Variants in MACROD2 observed in about 807,000 individuals in gnomAD.
MACROD2 encodes the protein mono-ADP ribosylhydrolase 2, also known as ADP-ribose glycohydrolase MACROD2.
In MACROD2, 36 loss-of-function variants were observed where a neutral mutation model predicts 70.4. The ratio of observed to expected loss-of-function variants is 0.51; its 90% CI spans 0.39 to 0.68. The LOEUF (loss-of-function observed/expected upper bound fraction) is 0.68, where lower values mean the gene tolerates loss of function less well. Among genes scored for constraint, MACROD2 ranks in the 30% least tolerant of loss-of-function variants. The pLI is 0.00. For missense variants in MACROD2, 496 were observed against 538.4 expected (o/e 0.92, Z 0.78); for synonymous variants, 172 against 178.8 (o/e 0.96, Z 0.30).
In MACROD2 at chr20:15,348,722, A is replaced by T. The variant is rs530643773; in HGVS notation, c.541-82683A>T. On this transcript the variant is annotated intron_variant, in intron 6 of 17. Transcript: ENST00000684519. ...AAACTCCCTTTTATAAAACCATAAG[A>T]TCTCGTGAGACTTATTCATTATCAC... Among the ~76,000 whole-genome samples the T allele has an allele frequency of 2.0e-5, 3 of 152,164 alleles. No homozygotes were observed. In the South Asian group the frequency reaches 6.2e-4, roughly 32 times the overall value.
At chr20:14,229,014 A>C (rs953345193) in intron 3 of MACROD2, among the ~76,000 whole-genome samples, 4 of 152,034 alleles carry the variant, frequency 2.6e-5, no homozygotes, top group African/African-American at 9.7e-5. Context: ...AAGAAAAGAA[A>C]AAAGACATTA....
intron 2 of MACROD2, among the ~76,000 whole-genome samples, chr20:14,051,481 C>A (rs554751233): frequency 2.6e-4 from 40 of 152,144 alleles, no homozygotes; most frequent in Non-Finnish European, 4.3e-4. Context: ...TCTGAACCTT[C>A]CCTTTTACCC....
intron 5 of MACROD2, among the ~76,000 whole-genome samples, chr20:14,978,258 G>A (rs1007717541): frequency 6.6e-6 from 1 of 152,120 alleles, no homozygotes; most frequent in Admixed American, 6.5e-5. Flanking sequence ...ATTAAACCAT[G>A]TATATGTATC....
At chr20:15,081,189 TA>T (rs138058951) in intron 5 of MACROD2, among the ~76,000 whole-genome samples, 3,050 of 152,200 alleles carry the variant, frequency 0.02, 94 homozygotes, top group African/African-American at 0.071. Context: ...AATTTTGTAA[TA>T]AAAAAATTAA....
chr20:15,775,096 A>G (rs555481101), intron 8 of MACROD2, among the ~76,000 whole-genome samples: 1 of 152,240 alleles, frequency 6.6e-6, no homozygotes, highest in South Asian at 2.1e-4. Context: ...GGGAGGGGCA[A>G]AGGGAACAGG....
At chr20:16,048,859 C>T (rs1568736106) in intron 17 of MACROD2, among the ~76,000 whole-genome samples, 2 of 152,138 alleles carry the variant, frequency 1.3e-5, no homozygotes, top group Non-Finnish European at 2.9e-5. Context: ...TACAAGAATA[C>T]ACATAGCAGA....
At chr20:14,465,865 A>G (rs1333998597) in intron 3 of MACROD2, among the ~76,000 whole-genome samples, 2 of 151,946 alleles carry the variant, frequency 1.3e-5, no homozygotes, top group Non-Finnish European at 2.9e-5. Context: ...AGTGGCCCCC[A>G]CTCTGTTCTG....
intron 5 of MACROD2, among the ~76,000 whole-genome samples, chr20:15,077,779 T>C (rs1429212566): frequency 1.3e-5 from 2 of 152,182 alleles, no homozygotes; most frequent in Non-Finnish European, 2.9e-5. Context: ...CTGACTCGTC[T>C]GTCTTTTAAT....
intron 6 of MACROD2, among the ~76,000 whole-genome samples, chr20:15,389,470 G>A (rs149335454): frequency 2.0e-5 from 3 of 152,320 alleles, no homozygotes; most frequent in East Asian, 1.9e-4. Context: ...CTCTGAAACC[G>A]TTGAAGCCTG....
intron 5 of MACROD2, among the ~76,000 whole-genome samples, chr20:14,962,332 G>A (rs991124677): frequency 1.3e-5 from 2 of 151,650 alleles, no homozygotes; most frequent in Non-Finnish European, 2.9e-5. Context: ...AGAATCTCAC[G>A]CTGTCACCCA....
chr20:15,513,861 A>T (rs575993802), intron 8 of MACROD2, among the ~76,000 whole-genome samples: 2 of 152,340 alleles, frequency 1.3e-5, no homozygotes, highest in South Asian at 4.1e-4. Context: ...AACAGAACAC[A>T]TGTAAAATGG....
At chr20:14,587,287 T>C (rs1981447649) in intron 4 of MACROD2, among the ~76,000 whole-genome samples, 1 of 151,816 alleles carries the variant, frequency 6.6e-6, no homozygotes, top group Admixed American at 6.6e-5. Context: ...TTGAATTCTT[T>C]TTGGTTATAC....
intron 6 of MACROD2, among the ~76,000 whole-genome samples, chr20:15,394,342 CT>C (rs1415681777): frequency 6.6e-6 from 1 of 152,156 alleles, no homozygotes; most frequent in African/African-American, 2.4e-5. Flanking sequence ...TGGCTTAGTC[CT>C]CTTGTAAGAT....
intron 8 of MACROD2, among the ~76,000 whole-genome samples, chr20:15,603,154 T>C (rs1218616475): frequency 1.3e-5 from 2 of 152,064 alleles, no homozygotes; most frequent in Non-Finnish European, 2.9e-5. Context: ...ATTTAGACTT[T>C]GAAACACTCA....
chr20:14,184,819 T>C (rs2081332020), intron 3 of MACROD2, among the ~76,000 whole-genome samples: 1 of 152,166 alleles, frequency 6.6e-6, no homozygotes, highest in Non-Finnish European at 1.5e-5. Flanking sequence ...TTGATTTGGC[T>C]CTCAGCTTGA....
intron 8 of MACROD2, among the ~76,000 whole-genome samples, chr20:15,623,559 C>T (rs1377322395): frequency 6.6e-6 from 1 of 152,162 alleles, no homozygotes; most frequent in Non-Finnish European, 1.5e-5. Context: ...GAGCTAGGAC[C>T]TATGCTAGGA....
intron 4 of MACROD2, among the ~76,000 whole-genome samples, chr20:14,615,920 C>A (rs765293038): frequency 6.6e-6 from 1 of 152,006 alleles, no homozygotes. Flanking sequence ...CAAAATGTTT[C>A]TATGTATGTA....
intron 6 of MACROD2, among the ~76,000 whole-genome samples, chr20:15,370,907 T>C (rs913733880): frequency 6.6e-6 from 1 of 152,070 alleles, no homozygotes; most frequent in Non-Finnish European, 1.5e-5. Context: ...TCTCTGAGCT[T>C]CCTGGGGGCA....
intron 3 of MACROD2, among the ~76,000 whole-genome samples, chr20:14,176,962 G>A (rs751939909): frequency 6.6e-6 from 1 of 152,124 alleles, no homozygotes; most frequent in South Asian, 2.1e-4. Flanking sequence ...TTAAGAATTA[G>A]TTTAGTGAGA....
Sources: allele counts gnomAD v4.1 joint callset (sites outside exome capture counted in the v4.1 genomes callset), GRCh38; gene constraint gnomAD v4.1.1; transcripts MANE v1.5; gene names NCBI Gene and HGNC (gene_info 2026-07-23, HGNC 2026-07-21).